The following PREX2 variants were observed in gnomAD, a reference collection of about 807,000 sequenced individuals.
The protein encoded by PREX2 is phosphatidylinositol-3,4,5-trisphosphate dependent Rac exchange factor 2, also known as phosphatidylinositol 3,4,5-trisphosphate-dependent Rac exchanger 2 protein.
A neutral mutation model predicts 203.2 loss-of-function variants in PREX2; 107 were observed. That is an observed-to-expected ratio of 0.53 (90% CI 0.45 to 0.62). The LOEUF is 0.62. Ranked by LOEUF, PREX2 falls within the 20% of genes least tolerant of loss-of-function variation. The pLI, the probability that PREX2 is intolerant of heterozygous loss-of-function variation, is 0.00. For synonymous variants in PREX2, 672 were observed against 663.6 expected, an observed-to-expected ratio of 1.01 and a Z score of -0.19; for missense variants, 1,777 against 1,955.9, an observed-to-expected ratio of 0.91 and a Z score of 1.72.
chr8:68,159,312 A>G (rs1247783710), intron 35 of PREX2, among the ~76,000 whole-genome samples: 1 of 152,220 alleles, frequency 6.6e-6, no homozygotes, highest in Non-Finnish European at 1.5e-5. Flanking sequence ...AGTTGAACCA[A>G]TTTATTTGCA....
chr8:68,170,099 G>A (rs1207684424), intron 35 of PREX2, among the ~76,000 whole-genome samples: 1 of 152,156 alleles, frequency 6.6e-6, no homozygotes, highest in Non-Finnish European at 1.5e-5. Context: ...TCTTCCCAGA[G>A]CCAGTGAATG....
chr8:68,194,908 G>GTGTGCCCAT (rs1281251572), intron 37 of PREX2, among the ~76,000 whole-genome samples: 1 of 152,070 alleles, frequency 6.6e-6, no homozygotes, highest in East Asian at 1.9e-4. Flanking sequence ...AAAGTGCCCA[G>GTGTGCCCAT]TGTGTTCAAG....
chr8:68,211,119 A>G (rs1471374923), intron 37 of PREX2, among the ~76,000 whole-genome samples: 4 of 152,152 alleles, frequency 2.6e-5, no homozygotes, highest in Admixed American at 2.6e-4. Flanking sequence ...CTTTAGTTCT[A>G]CAGTTTGCTG....
At chr8:68,157,204 A>G (rs1055373384) in intron 34 of PREX2, 118 bp from the exon 35 acceptor site, 34 of 480,222 alleles carry the variant, frequency 7.1e-5, no homozygotes, top group African/African-American at 4.6e-4. Context: ...GTTTTTTTGC[A>G]TATATGTTGA....
intron 33 of PREX2, among the ~76,000 whole-genome samples, chr8:68,145,843 A>C (rs563181184): frequency 1.3e-5 from 2 of 152,130 alleles, no homozygotes; most frequent in Non-Finnish European, 2.9e-5. Flanking sequence ...CTTAAGAAGT[A>C]TACCCCAAGG....
At chr8:68,206,406 T>C (rs1812627263) in intron 37 of PREX2, among the ~76,000 whole-genome samples, 1 of 152,148 alleles carries the variant, frequency 6.6e-6, no homozygotes, top group South Asian at 2.1e-4. Context: ...CTGTTTTAAA[T>C]GAGATTGTAG....
chr8:68,100,321 G>C (rs1810222547), intron 23 of PREX2: 7 of 397,298 alleles, frequency 1.8e-5, no homozygotes, highest in South Asian at 1.3e-4. Flanking sequence ...TACTGTTCTA[G>C]GTTCCAGGAA....
intron 35 of PREX2, among the ~76,000 whole-genome samples, chr8:68,171,273 T>C (rs976055570): frequency 6.6e-6 from 1 of 152,160 alleles, no homozygotes; most frequent in Non-Finnish European, 1.5e-5. Context: ...TAAAGAAAGT[T>C]TTAAAAGCCA....
Position 68,097,897 on chromosome 8 carries a change from A to G in PREX2, c.2553+696A>G, listed in dbSNP as rs183121119. On this transcript the variant is annotated intron_variant, in intron 22 of 39. Transcript: ENST00000288368. ...AGTATTCAAAGTCGTGAAATACATT[A>G]TAAGAAATTTCAAATTTGGCAAGTG... Among the ~76,000 whole-genome samples, 467 of 152,378 alleles carry G rather than the reference A, an allele frequency of 3.1e-3. 1 individual carries two copies. Among genetic ancestry groups the G allele is most frequent in the Non-Finnish European group, 5.9e-3 (400 of 68,038 alleles).
At chr8:68,185,480 A>G (rs1170124863) in intron 35 of PREX2, among the ~76,000 whole-genome samples, 1 of 152,108 alleles carries the variant, frequency 6.6e-6, no homozygotes, top group African/African-American at 2.4e-5. Context: ...TCTAACTCCT[A>G]TGCCATATTC....
At chr8:68,096,539 G>A (rs971668829) in intron 21 of PREX2, among the ~76,000 whole-genome samples, 1 of 152,108 alleles carries the variant, frequency 6.6e-6, no homozygotes, top group African/African-American at 2.4e-5. Flanking sequence ...GTAAGTTGCT[G>A]TTTGGGAAAC....
chr8:68,189,115 A>T (rs1016759157), intron 35 of PREX2, among the ~76,000 whole-genome samples: 1 of 152,218 alleles, frequency 6.6e-6, no homozygotes, highest in Non-Finnish European at 1.5e-5. Context: ...GAAGCAAAAG[A>T]ACAAAATGCT....
chr8:68,137,186 G>A (rs543338801), intron 32 of PREX2, among the ~76,000 whole-genome samples: 2 of 152,140 alleles, frequency 1.3e-5, no homozygotes, highest in African/African-American at 2.4e-5. Context: ...GCTTACAGGC[G>A]TGAGCCACCA....
At chr8:68,084,160 A>G (rs1809612832) in intron 18 of PREX2, among the ~76,000 whole-genome samples, 1 of 152,242 alleles carries the variant, frequency 6.6e-6, no homozygotes, top group East Asian at 1.9e-4. Context: ...ATGGTTTAGT[A>G]TTTCCTTATC....
intron 23 of PREX2, chr8:68,105,156 T>C: frequency 7.3e-7 from 1 of 1,367,596 alleles, no homozygotes; most frequent in South Asian, 1.1e-5. Flanking sequence ...TTCAGAAAGG[T>C]TTTACAATTT....
intron 32 of PREX2, 121 bp downstream of exon 32, chr8:68,134,397 AGCTACTT>A: frequency 8.3e-6 from 6 of 722,396 alleles, no homozygotes; most frequent in Non-Finnish European, 1.4e-5. Context: ...GCGTGCATTC[AGCTACTT>A]TAAAAATATA....
At chr8:68,164,646 G>T (rs1811724544) in intron 35 of PREX2, among the ~76,000 whole-genome samples, 1 of 145,198 alleles carries the variant, frequency 6.9e-6, no homozygotes, top group Admixed American at 7.2e-5. Context: ...GCAGTGGCAC[G>T]ATCTTGGCTC....
intron 35 of PREX2, among the ~76,000 whole-genome samples, chr8:68,189,602 T>C (rs897224433): frequency 1.3e-5 from 2 of 152,240 alleles, no homozygotes; most frequent in Non-Finnish European, 2.9e-5. Context: ...CTAGTGCTTT[T>C]ATAGACACTA....
chr8:68,109,461 T>C lies in PREX2; in HGVS notation c.2984T>C (p.Met995Thr), dbSNP rs757780115. Residue 995 changes from methionine to threonine, a missense_variant, in exon 25 of 40, where the codon ATG becomes ACG. Met to Thr is a moderately conservative substitution (Grantham distance 81). Transcript: ENST00000288368. ...TACATTCAGCACACCATCACAACCATGGCGGCCCCTTCAGGTCTGTCTCTG... is the reference window on the plus strand; with the variant it reads ...TACATTCAGCACACCATCACAACCACGGCGGCCCCTTCAGGTCTGTCTCTG... ...MVYIQHTITT[M>T]AAPSGLSLGQ... The C allele has an allele frequency of 2.5e-6, 4 of 1,613,886 alleles. No homozygotes were observed. The highest frequency in any genetic ancestry group is 2.2e-5 in the East Asian group (1 of 44,878).
Sources: gnomAD v4.1 joint callset for allele counts (sites outside exome capture counted in the v4.1 genomes callset) on GRCh38, gnomAD v4.1.1 for gene constraint, MANE v1.5 for transcripts, NCBI Gene and HGNC (gene_info 2026-07-23, HGNC 2026-07-21) for gene names.